PCSK5: variants seen among roughly 807,000 people sequenced by gnomAD.
PCSK5 encodes the protein prohormone convertase 5.
A neutral mutation model predicts 233.2 loss-of-function variants in PCSK5; 129 were observed. The ratio of observed to expected loss-of-function variants is 0.55; its 90% CI spans 0.48 to 0.64. The LOEUF (loss-of-function observed/expected upper bound fraction) is 0.64. PCSK5 is among the 30% of genes least tolerant of loss of function. PCSK5 has a pLI of 0.00. For synonymous variants in PCSK5, 825 were observed against 879.2 expected, an observed-to-expected ratio of 0.94 and a Z score of 1.09; for missense variants, 2,076 against 2,430.1, an observed-to-expected ratio of 0.85 and a Z score of 3.06.
intron 35 of PCSK5, among the ~76,000 whole-genome samples, chr9:76,345,176 T>G (rs1012711705): frequency 6.6e-6 from 1 of 150,898 alleles, no homozygotes; most frequent in African/African-American, 2.4e-5. Flanking sequence ...TCCCTTATTT[T>G]ATTTTATTAT....
intron 33 of PCSK5, among the ~76,000 whole-genome samples, chr9:76,329,169 A>C (rs1333706239): frequency 6.6e-6 from 1 of 151,390 alleles, no homozygotes; most frequent in South Asian, 2.1e-4. Flanking sequence ...GGCCAGGCGC[A>C]GTACCCAGGC....
At chr9:76,092,747 G>C (rs547819586) in intron 7 of PCSK5, among the ~76,000 whole-genome samples, 36 of 152,350 alleles carry the variant, frequency 2.4e-4, no homozygotes, top group Admixed American at 1.7e-3. Flanking sequence ...TGTTTGTACA[G>C]TGCTTGGCGC....
At chr9:76,161,276 C>T (rs1822839997) in intron 12 of PCSK5, among the ~76,000 whole-genome samples, 1 of 152,092 alleles carries the variant, frequency 6.6e-6, no homozygotes, top group Non-Finnish European at 1.5e-5. Flanking sequence ...TCCTCATGTC[C>T]TCCTCCCACT....
At chr9:76,030,669 A>G (rs920511789) in intron 5 of PCSK5, among the ~76,000 whole-genome samples, 3 of 152,198 alleles carry the variant, frequency 2.0e-5, no homozygotes, top group African/African-American at 7.2e-5. Flanking sequence ...AAATAAGCCA[A>G]ATATGTGTTG....
chr9:75,936,992 A>G (rs1488368334), intron 2 of PCSK5, among the ~76,000 whole-genome samples: 1 of 152,142 alleles, frequency 6.6e-6, no homozygotes, highest in Non-Finnish European at 1.5e-5. Context: ...GTAAATTTCC[A>G]TCAGTGCTCT....
rs920049240 is a variant in PCSK5 at position 76,195,610 on chromosome 9, T to G, written c.2626+5864T>G. 3.9e-5 allele frequency: 6 copies of G among 152,112 alleles called. 1 individual carries two copies. The highest frequency in any genetic ancestry group is 1.5e-5 in the Non-Finnish European group (1 of 68,012). The allele number at this position is 152,112 out of a possible 1,614,324, so 9.4% of individuals were successfully genotyped here. On this transcript the variant is annotated intron_variant, in intron 20 of 37. Transcript: ENST00000674117. ...TATGTATAAATATATATATTCATAA[T>G]GAGATATATGTAATGGATAGTACAA... is the stretch of plus-strand genomic sequence containing the variant.
intron 2 of PCSK5, among the ~76,000 whole-genome samples, chr9:75,981,695 G>A (rs183550987): frequency 6.6e-6 from 1 of 152,136 alleles, no homozygotes; most frequent in Non-Finnish European, 1.5e-5. Context: ...TGGGACTACA[G>A]GATCATGTCC....
chr9:76,046,801 C>T (rs951568663), intron 5 of PCSK5, among the ~76,000 whole-genome samples: 2 of 151,768 alleles, frequency 1.3e-5, no homozygotes, highest in African/African-American at 4.8e-5. Flanking sequence ...ACTTCATGAT[C>T]CGCCCGCCTC....
At chr9:75,945,441 TC>T (rs1824522656) in intron 2 of PCSK5, among the ~76,000 whole-genome samples, 1 of 152,094 alleles carries the variant, frequency 6.6e-6, no homozygotes, top group Non-Finnish European at 1.5e-5. Flanking sequence ...CTGTGGACTT[TC>T]TCCCCCTGCA....
At chr9:76,008,812 G>A (rs906604561) in intron 3 of PCSK5, among the ~76,000 whole-genome samples, 2 of 152,160 alleles carry the variant, frequency 1.3e-5, no homozygotes, top group Admixed American at 6.5e-5. Context: ...ATTAAAGTTG[G>A]AGATGTCATA....
At chr9:76,038,909 T>C (rs1418107697) in intron 5 of PCSK5, among the ~76,000 whole-genome samples, 2 of 152,162 alleles carry the variant, frequency 1.3e-5, no homozygotes, top group African/African-American at 4.8e-5. Flanking sequence ...GATTTTTATA[T>C]CAAATTGTTC....
rs145076330 is a variant in PCSK5 at position 76,095,302 on chromosome 9, G to T, written c.895-588G>T. ...ACCAACAGTGTAATTCAGCATAGAG[G>T]CATAACCTCTCTATACCTCATGTTC... On this transcript the variant is annotated intron_variant, in intron 7 of 37. Transcript: ENST00000674117. Among the ~76,000 whole-genome samples the T allele has an allele frequency of 6.5e-3, 985 of 152,218 alleles. 9 individuals carry two copies. The highest frequency in any genetic ancestry group is 0.02 in the African/African-American group (831 of 41,548).
chr9:75,988,413 C>T (rs1029700878), intron 3 of PCSK5, among the ~76,000 whole-genome samples: 4 of 151,868 alleles, frequency 2.6e-5, no homozygotes, highest in African/African-American at 9.7e-5. Context: ...TCCCAAATAG[C>T]TGGGACTATA....
chr9:75,955,823 A>G (rs980166187), intron 2 of PCSK5, among the ~76,000 whole-genome samples: 25 of 152,150 alleles, frequency 1.6e-4, no homozygotes, highest in African/African-American at 6.0e-4. Flanking sequence ...AGAGGGCCAT[A>G]AACCATTCTA....
rs61605307 is a variant in PCSK5 at position 76,029,712 on chromosome 9, A to G, written c.632+2675A>G. On this transcript the variant is annotated intron_variant, in intron 5 of 37. Transcript: ENST00000674117. ...AAATTTCTCTCCTCTTGAGCTCCCA[A>G]GGTAACTTGGGGCTCCTAGGCCTGT... 9.8e-3 allele frequency among the ~76,000 whole-genome samples: 1,485 copies of G among 152,284 alleles called. 21 individuals are homozygous for G. The highest frequency in any genetic ancestry group is 0.034 in the African/African-American group (1,405 of 41,564).
intron 20 of PCSK5, among the ~76,000 whole-genome samples, chr9:76,220,462 G>A (rs999092653): frequency 6.7e-6 from 1 of 148,698 alleles, no homozygotes; most frequent in African/African-American, 2.5e-5. Flanking sequence ...GGGAGGCAGA[G>A]GTTGCAGTGA....
At chr9:76,095,630 A>C (rs550280282) in intron 7 of PCSK5, among the ~76,000 whole-genome samples, 1 of 152,318 alleles carries the variant, frequency 6.6e-6, no homozygotes, top group Admixed American at 6.5e-5. Context: ...AATGCAGTTC[A>C]TGTAAAACAC....
chr9:76,267,950 T>TACAC (rs10539241), intron 24 of PCSK5, among the ~76,000 whole-genome samples: 5 of 149,424 alleles, frequency 3.3e-5, no homozygotes, highest in Admixed American at 1.3e-4. Flanking sequence ...CTTATGGGTA[T>TACAC]ACACACACAC....
At chr9:75,997,463 G>A (rs1288910900) in intron 3 of PCSK5, among the ~76,000 whole-genome samples, 3 of 152,206 alleles carry the variant, frequency 2.0e-5, no homozygotes, top group Non-Finnish European at 4.4e-5. Context: ...TTTCTCCAAT[G>A]TAAGGAGATC....
Sources: allele counts gnomAD v4.1 joint callset (sites outside exome capture counted in the v4.1 genomes callset), GRCh38; gene constraint gnomAD v4.1.1; transcripts MANE v1.5; gene names NCBI Gene and HGNC (gene_info 2026-07-23, HGNC 2026-07-21).